Variants in PNPLA8 observed in about 807,000 individuals in gnomAD.
PNPLA8 encodes patatin like domain 8, phospholipase A2, also known as calcium-independent phospholipase A2-gamma.
A neutral mutation model predicts 76.9 loss-of-function variants in PNPLA8; 39 were observed. The ratio of observed to expected loss-of-function variants is 0.51; its 90% CI spans 0.39 to 0.66. The LOEUF is 0.66. PNPLA8 is among the 30% of genes least tolerant of loss of function. The pLI is 0.00. For synonymous variants in PNPLA8, 301 were observed against 307.9 expected (o/e 0.98, Z 0.24); for missense variants, 887 against 918.0 (o/e 0.97, Z 0.44).
In PNPLA8 at chr7:108,514,626, T is replaced by A. The variant is rs1239011268; in HGVS notation, c.866A>T (p.Asn289Ile). 6.2e-7 allele frequency: 1 copy of A among 1,614,028 alleles called. No homozygotes were observed. The highest frequency in any genetic ancestry group is 1.7e-5 in the Admixed American group (1 of 60,014). ...ACCTTCCGTGGGACGAGAAAGAAAG[T>A]TAGCAATACTTTGTTTAGTTGAAAC... ...LQVSTKQSIA[N>I]FLSRPTEGVQ... is the part of the protein sequence containing the mutation. The change falls in exon 3 of 11, where the codon AAC becomes ATC. Residue 289 changes from asparagine (N) to isoleucine (I), a missense_variant. Coordinates refer to ENST00000257694, the MANE Select transcript of PNPLA8 (RefSeq NM_001256007.3).
intron 4 of PNPLA8, among the ~76,000 whole-genome samples, chr7:108,505,343 TATATA>T (rs1862321920): frequency 1.9e-4 from 2 of 10,412 alleles, no homozygotes; most frequent in African/African-American, 5.9e-4. Flanking sequence ...TATATATATA[TATATA>T]TATATTTTTT....
At chr7:108,514,041 C>T in intron 4 of PNPLA8, 103 bp downstream of exon 4, 1 of 806,708 alleles carries the variant, frequency 1.2e-6, no homozygotes, top group African/African-American at 1.7e-5. Flanking sequence ...ATAAAAACCA[C>T]AAAATTCAAA....
At chr7:108,499,553 G>C (rs754856564) in intron 5 of PNPLA8, among the ~76,000 whole-genome samples, 3 of 152,142 alleles carry the variant, frequency 2.0e-5, no homozygotes, top group Non-Finnish European at 2.9e-5. Flanking sequence ...CTGACATTCT[G>C]GGTTGGATAA....
At chr7:108,505,672 T>G (rs1464638220) in intron 4 of PNPLA8, among the ~76,000 whole-genome samples, 1 of 152,008 alleles carries the variant, frequency 6.6e-6, no homozygotes, top group Non-Finnish European at 1.5e-5. Flanking sequence ...AAAATACTTT[T>G]ATGACTTTAG....
chr7:108,504,006 T>A (rs1227469038), intron 4 of PNPLA8, among the ~76,000 whole-genome samples: 1 of 152,146 alleles, frequency 6.6e-6, no homozygotes, highest in Non-Finnish European at 1.5e-5. Context: ...TTTGTATTCT[T>A]GAGATTTTAG....
chr7:108,515,649 T>C (rs1286219491), intron 2 of PNPLA8, 75 bp from the exon 3 acceptor site: 15 of 823,192 alleles, frequency 1.8e-5, no homozygotes, highest in Non-Finnish European at 2.0e-5. Flanking sequence ...ACAAGACTAT[T>C]TGGACTAAAC....
chr7:108,505,593 T>C (rs1862362588), intron 4 of PNPLA8, among the ~76,000 whole-genome samples: 1 of 151,248 alleles, frequency 6.6e-6, no homozygotes, highest in Non-Finnish European at 1.5e-5. Context: ...GATCGCTTGA[T>C]CTCGTGATCT....
chr7:108,472,787 A>G (rs1381760493), intron 10 of PNPLA8, 112 bp from the exon 11 acceptor site: 1 of 645,884 alleles, frequency 1.5e-6, no homozygotes, highest in Non-Finnish European at 2.5e-6. Context: ...GGCACATTAC[A>G]AAGATTCACT....
At chr7:108,526,599 C>T (rs1864105321), upstream of PNPLA8, among the ~76,000 whole-genome samples, 1 of 152,250 alleles carries the variant, frequency 6.6e-6, no homozygotes, top group African/African-American at 2.4e-5. Flanking sequence ...GCTGCGATAC[C>T]AGTCTCTTGG....
chr7:108,527,571 G>C (rs1014596893), upstream of PNPLA8: 1 of 152,160 alleles, frequency 6.6e-6, no homozygotes, highest in Non-Finnish European at 1.5e-5. Context: ...CTATCACCAT[G>C]GGGGAGAGAG....
Position 108,514,676 on chromosome 7 carries a change from A to G in PNPLA8, c.816T>C (p.Pro272=). 6.2e-7 allele frequency: 1 copy of G among 1,614,020 alleles called. No individual in the cohort carries two copies. Among genetic ancestry groups the G allele is most frequent in the Non-Finnish European group, 8.5e-7 (1 of 1,179,896 alleles). ...SVHTVDKPTS[P]SAIPDVLQVS... ...CTTGAAGAACATCAGGTATCGCAGA[A>G]GGACTTGTAGGCTTGTCCACCGTAT... Residue 272 remains proline (P), a synonymous_variant, in exon 3 of 11, where the codon CCT becomes CCC. Coordinates refer to ENST00000257694, the MANE Select transcript of PNPLA8 (RefSeq NM_001256007.3).
In PNPLA8 at chr7:108,515,199, T is replaced by A; in HGVS notation, c.293A>T (p.Asn98Ile). ...TSAPKGLTKV[N>I]ICMSRIKSTL... ...ACTTTTAATACGGGACATACAAATGTTCACTTTTGTAAGTCCCTTGGGAGC... is the reference window on the plus strand; with the variant it reads ...ACTTTTAATACGGGACATACAAATGATCACTTTTGTAAGTCCCTTGGGAGC... Residue 98 changes from asparagine to isoleucine, a missense_variant, in exon 3 of 11, where the codon AAC becomes ATC. By Grantham distance (149) the Asn-to-Ile change is moderately radical. Coordinates refer to ENST00000257694, the MANE Select transcript of PNPLA8 (RefSeq NM_001256007.3). 6.2e-7 allele frequency: 1 copy of A among 1,605,092 alleles called. No individual in the cohort carries two copies. Among genetic ancestry groups the A allele is most frequent in the South Asian group, 1.1e-5 (1 of 90,648 alleles).
rs1464803186 is a variant in PNPLA8 at position 108,501,902 on chromosome 7, TC to T, written c.1358+588del. 3.9e-5 allele frequency among the ~76,000 whole-genome samples: 6 copies of T among 152,190 alleles called. No homozygotes were observed. In the East Asian group the frequency reaches 1.2e-3, roughly 29 times the overall value. On this transcript the variant is annotated intron_variant, in intron 5 of 10. Coordinates refer to ENST00000257694, the MANE Select transcript of PNPLA8 (RefSeq NM_001256007.3). ...TTATGAGAATAATGGTTGATAAGCT[TC>T]TGAACTACCAAAAAGGTCTAAAAAG...
intron 2 of PNPLA8, among the ~76,000 whole-genome samples, chr7:108,520,859 T>C (rs1361567930): frequency 6.6e-6 from 1 of 152,090 alleles, no homozygotes; most frequent in Non-Finnish European, 1.5e-5. Flanking sequence ...AAAAACATCA[T>C]GTTGCACACC....
At position 108,515,411 on chromosome 7, in the gene PNPLA8, C is replaced by T; in HGVS notation, c.81G>A (p.Lys27=). The change falls in exon 3 of 11, where the codon AAG becomes AAA. Residue 27 remains lysine, a synonymous_variant. Coordinates refer to ENST00000257694, the MANE Select transcript of PNPLA8 (RefSeq NM_001256007.3). The stretch of plus-strand genomic sequence containing the variant: ...TAGGTGAGAACAAGAAATACAGTTG[C>T]TTGCTTCTCTGCTTCCCACAAACAC... ...ARSVCGKQRS[K]QLYFLFSPKH... 6.2e-7 allele frequency: 1 copy of T among 1,610,850 alleles called. No individual in the cohort carries two copies. Among genetic ancestry groups the T allele is most frequent in the African/African-American group, 1.3e-5 (1 of 74,904 alleles).
chr7:108,478,358 G>C (rs1187058695), intron 10 of PNPLA8, among the ~76,000 whole-genome samples: 1 of 151,972 alleles, frequency 6.6e-6, no homozygotes, highest in South Asian at 2.1e-4. Flanking sequence ...ACTTGAAAGA[G>C]GGTTTTGAGA....
At chr7:108,483,506 G>A (rs779458614) in intron 9 of PNPLA8, among the ~76,000 whole-genome samples, 4 of 152,160 alleles carry the variant, frequency 2.6e-5, no homozygotes, top group Non-Finnish European at 5.9e-5. Context: ...ATCATATAGT[G>A]TAAGTTTTTT....
chr7:108,524,212 G>A (rs1863930322), intron 1 of PNPLA8, among the ~76,000 whole-genome samples: 1 of 152,164 alleles, frequency 6.6e-6, no homozygotes, highest in Non-Finnish European at 1.5e-5. Flanking sequence ...GGCAACCTGA[G>A]TAAAGCTTTT....
chr7:108,522,854 T>G (rs1863840181), intron 1 of PNPLA8, among the ~76,000 whole-genome samples: 1 of 152,180 alleles, frequency 6.6e-6, no homozygotes, highest in African/African-American at 2.4e-5. Context: ...ATTAGACAAT[T>G]TCATAATCAT....
Sources: allele counts gnomAD v4.1 joint callset (sites outside exome capture counted in the v4.1 genomes callset), GRCh38; gene constraint gnomAD v4.1.1; transcripts MANE v1.5; gene names NCBI Gene and HGNC (gene_info 2026-07-23, HGNC 2026-07-21).